Variants in RGS12 observed in about 807,000 individuals in gnomAD.
RGS12 encodes regulator of G-protein signaling 12.
Under a neutral mutation model 120.1 loss-of-function variants are expected in RGS12, and 66 were observed. The ratio of observed to expected loss-of-function variants is 0.55; its 90% CI spans 0.45 to 0.67. The LOEUF (loss-of-function observed/expected upper bound fraction) is 0.67. RGS12 is among the 30% of genes least tolerant of loss of function. RGS12 has a pLI of 0.00. For synonymous variants in RGS12, 827 were observed against 804.7 expected, an observed-to-expected ratio of 1.03 and a Z score of -0.47; for missense variants, 1,859 against 1,957.7, an observed-to-expected ratio of 0.95 and a Z score of 0.95.
intron 3 of RGS12, among the ~76,000 whole-genome samples, chr4:3,380,828 A>G (rs1038612787): frequency 6.6e-6 from 1 of 152,230 alleles, no homozygotes; most frequent in African/African-American, 2.4e-5. Context: ...GCCTGTGATG[A>G]GAGGGGCTGC....
intron 3 of RGS12, among the ~76,000 whole-genome samples, chr4:3,358,757 A>G (rs766125904): frequency 7.0e-4 from 107 of 151,924 alleles, no homozygotes; most frequent in Non-Finnish European, 1.5e-3. Context: ...TTTTTACATC[A>G]ATATTCATCA....
intron 3 of RGS12, among the ~76,000 whole-genome samples, chr4:3,382,307 C>G (rs1270267570): frequency 6.6e-6 from 1 of 152,212 alleles, no homozygotes; most frequent in Non-Finnish European, 1.5e-5. Flanking sequence ...CCCTCTCCTT[C>G]CCTGCCCTTC....
At chr4:3,301,485 T>G (rs1723684541) in intron 1 of RGS12, among the ~76,000 whole-genome samples, 1 of 152,220 alleles carries the variant, frequency 6.6e-6, no homozygotes, top group Non-Finnish European at 1.5e-5. Context: ...TGATTGGAAA[T>G]AAGACCCATT....
At chr4:3,370,100 A>C in intron 3 of RGS12, 1 of 1,371,464 alleles carries the variant, frequency 7.3e-7, no homozygotes, top group Non-Finnish European at 9.5e-7. Context: ...ATAGAGTCTG[A>C]AACCCTGGCA....
In RGS12 at chr4:3,340,772, C is replaced by CGGTGCAGGCT. The variant is rs11282717; in HGVS notation, c.1882-2156_1882-2155insTGGTGCAGGC. Among the ~76,000 whole-genome samples the CGGTGCAGGCT allele has an allele frequency of 3.2e-4, 48 of 152,132 alleles. No individual in the cohort carries two copies. The South Asian group carries it at 3.5e-3, about 11-fold the overall frequency. ...CAGGCAGGTGCAGGCAGGTGCAGGCCGGTGCAGGCCAGTGCAGTCCGTTCT... is the reference window on the plus strand; with the variant it reads ...CAGGCAGGTGCAGGCAGGTGCAGGCCGGTGCAGGCTGGTGCAGGCCAGTGCAGTCCGTTCT... On this transcript the variant is annotated intron_variant, in intron 2 of 17. Coordinates refer to ENST00000336727, the MANE Select transcript of RGS12 (RefSeq NM_001394154.1).
In RGS12 at chr4:3,390,270, CCAT is replaced by C. The variant is rs1312679445; in HGVS notation, c.2020+3837_2020+3839del. On this transcript the variant is annotated intron_variant, in intron 4 of 17. Transcript: ENST00000336727. This position sits in a 1 kb window ranked among gnomAD's most constrained non-coding sequence, Gnocchi z 4.6. The stretch of plus-strand genomic sequence containing the variant: ...TTCCTGCCCGTGCTAGGGGCAGCTT[CCAT>C]CATTTTAATTATTCATCTGTGTTGG... 6.6e-6 allele frequency among the ~76,000 whole-genome samples: 1 copy of C among 152,174 alleles called. No individual in the cohort carries two copies. Among genetic ancestry groups the C allele is most frequent in the Non-Finnish European group, 1.5e-5 (1 of 68,036 alleles).
chr4:3,334,494 T>C (rs1712222814), intron 2 of RGS12, among the ~76,000 whole-genome samples: 1 of 152,218 alleles, frequency 6.6e-6, no homozygotes, highest in Non-Finnish European at 1.5e-5. Flanking sequence ...CTTCTCATTA[T>C]CTTTGTCGAG....
chr4:3,381,584 G>C (rs996780113), intron 3 of RGS12, among the ~76,000 whole-genome samples: 4 of 152,196 alleles, frequency 2.6e-5, no homozygotes, highest in Non-Finnish European at 4.4e-5. Flanking sequence ...GCAGTAGAGA[G>C]AAGTGCTGAG....
At chr4:3,400,212 G>T (rs1720438877) in intron 4 of RGS12, among the ~76,000 whole-genome samples, 1 of 152,248 alleles carries the variant, frequency 6.6e-6, no homozygotes, top group African/African-American at 2.4e-5. Flanking sequence ...TTATTGGCCA[G>T]TTTCACTTAT....
intron 17 of RGS12, among the ~76,000 whole-genome samples, chr4:3,438,414 G>A (rs532114205): frequency 8.6e-5 from 13 of 150,696 alleles, no homozygotes; most frequent in Admixed American, 5.3e-4. Context: ...CACCCCCACC[G>A]TACAGATGGG....
intron 4 of RGS12, among the ~76,000 whole-genome samples, chr4:3,398,806 A>G (rs1438297435): frequency 6.6e-6 from 1 of 152,232 alleles, no homozygotes; most frequent in Non-Finnish European, 1.5e-5. Context: ...TAACAGACAC[A>G]TAGAGAGCTT....
intron 16 of RGS12, 26 bp downstream of exon 16, chr4:3,428,737 C>T (rs756630792): frequency 3.6e-5 from 57 of 1,562,924 alleles, no homozygotes; most frequent in Non-Finnish European, 4.7e-5. Context: ...AAAACTTCCA[C>T]GTTTTTAGTA....
intron 3 of RGS12, among the ~76,000 whole-genome samples, chr4:3,362,462 G>T (rs891655250): frequency 5.8e-5 from 8 of 139,114 alleles, no homozygotes. Context: ...GGGTGCGAGG[G>T]TGTGTGTGAG....
At chr4:3,338,645 TGGCG>T (rs111309950) in intron 2 of RGS12, among the ~76,000 whole-genome samples, 11,876 of 152,140 alleles carry the variant, frequency 0.078, 808 homozygotes, top group African/African-American at 0.19. Flanking sequence ...CCTCTGTGGT[TGGCG>T]GGCGGGCGGT....
chr4:3,406,778 C>T (rs1258911723), intron 4 of RGS12, among the ~76,000 whole-genome samples: 1 of 152,206 alleles, frequency 6.6e-6, no homozygotes, highest in Non-Finnish European at 1.5e-5. Flanking sequence ...GGGTGTGGCA[C>T]CCCACCTCGG....
At chr4:3,398,294 C>G (rs780783541) in intron 4 of RGS12, among the ~76,000 whole-genome samples, 5 of 152,286 alleles carry the variant, frequency 3.3e-5, no homozygotes, top group Non-Finnish European at 4.4e-5. Flanking sequence ...AAACTCTCCA[C>G]TTTGATTGTT....
chr4:3,379,718 C>G (rs909085361), intron 3 of RGS12, among the ~76,000 whole-genome samples: 16 of 152,128 alleles, frequency 1.1e-4, no homozygotes, highest in Admixed American at 2.0e-4. Flanking sequence ...GGGAAAGCCC[C>G]TTATAAAACC....
chr4:3,407,999 C>T (rs1300232433), intron 4 of RGS12, among the ~76,000 whole-genome samples: 1 of 152,160 alleles, frequency 6.6e-6, no homozygotes, highest in African/African-American at 2.4e-5. Context: ...ACAACAATAC[C>T]GTAAACTGGA....
chr4:3,367,840 C>G (rs969945606), intron 3 of RGS12, among the ~76,000 whole-genome samples: 1 of 152,170 alleles, frequency 6.6e-6, no homozygotes, highest in Non-Finnish European at 1.5e-5. Flanking sequence ...ACCCGGAGGC[C>G]CTGTTGTTGG....
Sources: allele counts gnomAD v4.1 joint callset (sites outside exome capture counted in the v4.1 genomes callset), GRCh38; gene constraint gnomAD v4.1.1; non-coding constraint Gnocchi (gnomAD v3.1); transcripts MANE v1.5; gene names NCBI Gene and HGNC (gene_info 2026-07-23, HGNC 2026-07-21).